Variants in ANKRD28 observed in about 807,000 individuals in gnomAD.
ANKRD28 encodes ankyrin repeat domain 28.
A neutral mutation model predicts 126.5 loss-of-function variants in ANKRD28; 44 were observed. That is an observed-to-expected ratio of 0.35 (90% CI 0.27 to 0.45). The LOEUF (loss-of-function observed/expected upper bound fraction) is 0.45, where lower values mean the gene tolerates loss of function less well. Ranked by LOEUF, ANKRD28 falls within the 20% of genes least tolerant of loss-of-function variation. The pLI, the probability that ANKRD28 is intolerant of heterozygous loss-of-function variation, is 1.00. For synonymous variants in ANKRD28, 442 were observed against 468.5 expected (o/e 0.94, Z 0.73); for missense variants, 1,110 against 1,316.6 (o/e 0.84, Z 2.43).
chr3:15,722,683 T>C (rs2073854596), intron 7 of ANKRD28, among the ~76,000 whole-genome samples: 1 of 152,182 alleles, frequency 6.6e-6, no homozygotes, highest in Non-Finnish European at 1.5e-5. Context: ...TAATTAACAT[T>C]TTCTTTTCTG....
intron 1 of ANKRD28, among the ~76,000 whole-genome samples, chr3:15,834,932 G>C (rs1004867067): frequency 6.6e-6 from 1 of 152,176 alleles, no homozygotes; most frequent in Non-Finnish European, 1.5e-5. Context: ...CAAATCACTT[G>C]AGGCCAGAAG....
intron 6 of ANKRD28, chr3:15,732,613 A>T (rs2074717046): frequency 6.6e-6 from 1 of 152,240 alleles, no homozygotes; most frequent in Non-Finnish European, 1.5e-5. Context: ...ATCAACTACT[A>T]TTACCTCATA....
intron 14 of ANKRD28, among the ~76,000 whole-genome samples, chr3:15,706,335 G>C (rs970929743): frequency 6.6e-6 from 1 of 151,202 alleles, no homozygotes; most frequent in African/African-American, 2.4e-5. Flanking sequence ...GTGAGAACAT[G>C]TGGTGTTTGG....
At position 15,822,892 on chromosome 3, in the gene ANKRD28, C is replaced by T. The variant is rs546836597; in HGVS notation, c.28-27586G>A. Among the ~76,000 whole-genome samples the T allele has an allele frequency of 3.9e-5, 6 of 152,192 alleles. 1 individual carries two copies. The East Asian group carries it at 1.2e-3, about 29-fold the overall frequency. ...TTTAGCTAGACTGACAAAAAGAAGACCCACATTACTAAAATAAAAAACAAA... is the reference window on the plus strand; with the variant it reads ...TTTAGCTAGACTGACAAAAAGAAGATCCACATTACTAAAATAAAAAACAAA... On this transcript the variant is annotated intron_variant, in intron 1 of 27. Coordinates refer to the ANKRD28 transcript ENST00000399451.
At chr3:15,677,798 G>A (rs970840795) in intron 24 of ANKRD28, among the ~76,000 whole-genome samples, 1 of 152,102 alleles carries the variant, frequency 6.6e-6, no homozygotes, top group Non-Finnish European at 1.5e-5. Context: ...TTTTGTGACT[G>A]TGCACTAAAT....
intron 3 of ANKRD28, among the ~76,000 whole-genome samples, chr3:15,755,511 C>A (rs1022073264): frequency 2.0e-5 from 3 of 152,248 alleles, no homozygotes; most frequent in Middle Eastern, 6.8e-3. Context: ...TCTATATATT[C>A]ATATATACTT....
chr3:15,722,335 T>G (rs2073819218), intron 7 of ANKRD28, among the ~76,000 whole-genome samples: 2 of 152,296 alleles, frequency 1.3e-5, no homozygotes, highest in South Asian at 4.1e-4. Flanking sequence ...TTGGAAATAC[T>G]TCATTCATAC....
At chr3:15,774,601 G>T (rs1466296881) in intron 2 of ANKRD28, among the ~76,000 whole-genome samples, 1 of 151,988 alleles carries the variant, frequency 6.6e-6, no homozygotes, top group Non-Finnish European at 1.5e-5. Context: ...ATATGAATAT[G>T]GAATATTATC....
chr3:15,857,970 G>C (rs960664894), intron 1 of ANKRD28, among the ~76,000 whole-genome samples: 2 of 152,214 alleles, frequency 1.3e-5, no homozygotes, highest in African/African-American at 4.8e-5. Flanking sequence ...ACTGTTAAGA[G>C]TATAAGATGC....
intron 1 of ANKRD28, among the ~76,000 whole-genome samples, chr3:15,848,476 A>G (rs2061572040): frequency 6.6e-6 from 1 of 152,138 alleles, no homozygotes; most frequent in Admixed American, 6.5e-5. Flanking sequence ...AAAGCTGAAG[A>G]CCAGCCTGGG....
intron 1 of ANKRD28, among the ~76,000 whole-genome samples, chr3:15,855,142 C>T (rs2061736555): frequency 6.6e-6 from 1 of 152,188 alleles, no homozygotes; most frequent in Non-Finnish European, 1.5e-5. Flanking sequence ...TCAAGTATTT[C>T]ATGCATTCTG....
In ANKRD28 at chr3:15,833,904, CTGTT is replaced by C. The variant is rs2061264378; in HGVS notation, c.27+25469_27+25472del. Among the ~76,000 whole-genome samples the C allele has an allele frequency of 2.0e-5, 3 of 151,998 alleles. No individual in the cohort carries two copies. In the South Asian group the frequency reaches 6.2e-4, roughly 32 times the overall value. On this transcript the variant is annotated intron_variant, in intron 1 of 27. Coordinates refer to the ANKRD28 transcript ENST00000399451. The surrounding 1 kb of genome is among the most constrained non-coding windows in gnomAD (Gnocchi z 4.4). ...TTGTATGTCTTCTTTTGGAAAATGT[CTGTT>C]TGTGTTATTTGCCCATTTTTTAATG...
intron 4 of ANKRD28, among the ~76,000 whole-genome samples, chr3:15,747,367 G>A (rs754004618): frequency 1.3e-5 from 2 of 152,078 alleles, no homozygotes; most frequent in Non-Finnish European, 2.9e-5. Context: ...TACTTTTGCT[G>A]TATCCCAGAG....
intron 1 of ANKRD28, among the ~76,000 whole-genome samples, chr3:15,850,200 A>ATATATATATATATATAT (rs1208827136): frequency 1.5e-4 from 7 of 47,676 alleles, no homozygotes; most frequent in East Asian, 1.1e-3. Flanking sequence ...TAAAAAAAAA[A>ATATATATATATATATAT]AAAAATATAT....
intron 3 of ANKRD28, among the ~76,000 whole-genome samples, chr3:15,753,003 T>C (rs1429288978): frequency 9.2e-5 from 14 of 151,660 alleles, no homozygotes; most frequent in Admixed American, 9.2e-4. Flanking sequence ...TGAGAGAAAA[T>C]AAATGAAATG....
At chr3:15,701,965 C>G (rs1048674201) in intron 14 of ANKRD28, among the ~76,000 whole-genome samples, 1 of 150,306 alleles carries the variant, frequency 6.7e-6, no homozygotes, top group Non-Finnish European at 1.5e-5. Flanking sequence ...ATCAAGTTCT[C>G]TAGATGTTAG....
At chr3:15,695,266 AT>A in intron 15 of ANKRD28, 52 bp from the exon 16 acceptor site, 1 of 1,341,184 alleles carries the variant, frequency 7.5e-7, no homozygotes, top group Non-Finnish European at 1.0e-6. Flanking sequence ...ATTCATCTAT[AT>A]TAAGTCTCAA....
At chr3:15,782,898 C>T (rs2125705271) in intron 2 of ANKRD28, among the ~76,000 whole-genome samples, 1 of 152,146 alleles carries the variant, frequency 6.6e-6, no homozygotes, top group South Asian at 2.1e-4. Flanking sequence ...TCCTGGTGTA[C>T]AAACTGTTAG....
At chr3:15,802,365 C>T (rs2060480230), upstream of ANKRD28, among the ~76,000 whole-genome samples, 1 of 152,138 alleles carries the variant, frequency 6.6e-6, no homozygotes, top group African/African-American at 2.4e-5. Flanking sequence ...GGACTGTCTA[C>T]TTTCTGACTT....
Sources: allele counts gnomAD v4.1 joint callset (sites outside exome capture counted in the v4.1 genomes callset), GRCh38; gene constraint gnomAD v4.1.1; non-coding constraint Gnocchi (gnomAD v3.1); transcripts MANE v1.5; gene names NCBI Gene and HGNC (gene_info 2026-07-23, HGNC 2026-07-21).